ART5: variants seen among roughly 807,000 people sequenced by gnomAD.
ART5 encodes the protein ecto-ADP-ribosyltransferase 5.
Under a neutral mutation model 25.0 loss-of-function variants are expected in ART5, and 22 were observed. That is an observed-to-expected ratio of 0.88 (90% CI 0.63 to 1.26). The LOEUF (loss-of-function observed/expected upper bound fraction) is 1.26, where lower values mean the gene tolerates loss of function less well. ART5 is among the 50% of genes most tolerant of loss of function. The probability of loss-of-function intolerance (pLI) is 0.00; values close to 1 mark genes in which losing one functional copy is unlikely to be tolerated. For synonymous variants in ART5, 161 were observed against 154.8 expected, an observed-to-expected ratio of 1.04 and a Z score of -0.30; for missense variants, 402 against 372.8, an observed-to-expected ratio of 1.08 and a Z score of -0.64.
intron 2 of ART5, among the ~76,000 whole-genome samples, chr11:3,639,286 C>T (rs139384181): frequency 3.3e-5 from 5 of 152,266 alleles, no homozygotes; most frequent in South Asian, 2.1e-4. Flanking sequence ...ATGGCACATA[C>T]GTGCCCTGTC....
chr11:3,640,303 A>G lies in ART5; in HGVS notation c.126T>C (p.Cys42=). The change falls in exon 2 of 4, where the codon TGT becomes TGC. Residue 42 remains cysteine (C), a synonymous_variant. Transcript: ENST00000397068. ...PDTFDDTYVG[C]AEEMEEKAAP... Reference sequence around the variant, plus strand: ...CTGCCTTCTCCTCCATCTCCTCTGCACAACCCACATAGGTATCGTCAAAGG... The same window carrying G: ...CTGCCTTCTCCTCCATCTCCTCTGCGCAACCCACATAGGTATCGTCAAAGG... The G allele has an allele frequency of 6.2e-7, 1 of 1,613,240 alleles. No individual in the cohort carries two copies. The highest frequency in any genetic ancestry group is 8.5e-7 in the Non-Finnish European group (1 of 1,180,018).
At position 3,638,571 on chromosome 11, in the gene ART5, T is replaced by G. The variant is rs1223068345; in HGVS notation, c.*167A>C. 1.3e-6 allele frequency: 1 copy of G among 780,858 alleles called. No individual in the cohort carries two copies. The highest frequency in any genetic ancestry group is 2.5e-5 in the East Asian group (1 of 40,084). The allele number at this position is 780,858 out of a possible 1,614,324, so 48.4% of individuals were successfully genotyped here. A position where few individuals can be genotyped will look rare whatever the true frequency, so the allele number is the denominator to read the frequency against. The stretch of plus-strand genomic sequence containing the variant: ...CTCAATAAAACTCCATGTCTCCACA[T>G]TGCAACACCGTTCAATCAAGTGGCT... On this transcript the variant is annotated 3_prime_UTR_variant, in exon 4 of 4. Coordinates refer to ENST00000397068, the MANE Select transcript of ART5 (RefSeq NM_053017.5).
intron 1 of ART5, among the ~76,000 whole-genome samples, chr11:3,641,500 C>T (rs1332038849): frequency 6.6e-6 from 1 of 152,156 alleles, no homozygotes; most frequent in Admixed American, 6.5e-5. Context: ...GGACGGGCTG[C>T]CAGGACTGCA....
At chr11:3,639,301 C>T (rs995198027) in intron 2 of ART5, among the ~76,000 whole-genome samples, 8 of 152,194 alleles carry the variant, frequency 5.3e-5, no homozygotes, top group African/African-American at 1.9e-4. Context: ...CCTGTCAGCC[C>T]CATCGAGCCC....
chr11:3,641,756 T>A (rs1366169389), intron 1 of ART5, 50 bp downstream of exon 1: 1 of 1,554,784 alleles, frequency 6.4e-7, no homozygotes, highest in African/African-American at 1.4e-5. Flanking sequence ...TTCCTCAGGG[T>A]CTGTCCCTTA....
rs1443783793 is a variant in ART5 at position 3,639,788 on chromosome 11, G to C, written c.641C>G (p.Ser214Cys). 6.2e-7 allele frequency: 1 copy of C among 1,614,112 alleles called. No individual in the cohort carries two copies. The highest frequency in any genetic ancestry group is 2.2e-5 in the East Asian group (1 of 44,892). Residue 214 changes from serine (S) to cysteine (C), a missense_variant, in exon 2 of 4, where the codon TCT (serine) becomes TGT (cysteine). By Grantham distance (112) the Ser-to-Cys change is moderately radical. Transcript: ENST00000397068. ...CACCTCGCGCTCCTTGGGAAAGACAGAGAAGGCCTGTATAGGGGCCCCAAA... is the reference window on the plus strand; with the variant it reads ...CACCTCGCGCTCCTTGGGAAAGACACAGAAGGCCTGTATAGGGGCCCCAAA... ...TCFGAPIQAF[S>C]VFPKEREVLI...
chr11:3,640,077 C>A lies in ART5; in HGVS notation c.352G>T (p.Gly118Ter). The A allele has an allele frequency of 6.2e-7, 1 of 1,614,204 alleles. No homozygotes were observed. The highest frequency in any genetic ancestry group is 8.5e-7 in the Non-Finnish European group (1 of 1,180,058). Residue 118 changes from glycine (G) to a stop codon, truncating the protein, a stop_gained, in exon 2 of 4, where the codon GGA becomes TGA. Transcript: ENST00000397068. LOFTEE classifies it high-confidence loss of function. ...CTCATGTAGAGCTCCCGGGAGCCTC[C>A]GCCCGTCCGCACGGCCTGATTCAAC... ...WELNQAVRTG[G>*]GSRELYMRHF... is the part of the protein sequence containing the mutation.
intron 1 of ART5, 45 bp downstream of exon 1, chr11:3,641,761 C>T (rs1457028529): frequency 1.3e-6 from 2 of 1,556,976 alleles, no homozygotes; most frequent in African/African-American, 1.4e-5. Flanking sequence ...CAGGGTCTGT[C>T]CCTTAATGTC....
chr11:3,642,341 G>T, upstream of ART5: 1 of 990,364 alleles, frequency 1.0e-6, no homozygotes, highest in Non-Finnish European at 1.2e-6. Context: ...GCCGCACGCG[G>T]GGCCGGGAGC....
At chr11:3,641,699 G>A (rs141829693) in intron 1 of ART5, 107 bp downstream of exon 1, 1 of 1,516,924 alleles carries the variant, frequency 6.6e-7, no homozygotes, top group Non-Finnish European at 8.9e-7. Flanking sequence ...GGAATCCTAG[G>A]GAAGAGTCCC....
chr11:3,641,856 G>A lies in ART5; in HGVS notation c.7C>T (p.Leu3=), dbSNP rs769524455. ...CCGAGGGCGATCATCAAAGCCGCCA[G>A]CGCCATCCCTGGAGGAGACGTGAGG... MA[L]AALMIALGSL... is the part of the protein sequence containing the mutation. Residue 3 remains leucine, a synonymous_variant, in exon 1 of 4, where the codon CTG becomes TTG. Coordinates refer to ENST00000397068, the MANE Select transcript of ART5 (RefSeq NM_053017.5). The A allele has an allele frequency of 2.5e-6, 4 of 1,573,614 alleles. No individual in the cohort carries two copies. In the African/African-American group the frequency reaches 4.0e-5, roughly 16 times the overall value.
At position 3,639,826 on chromosome 11, in the gene ART5, A is replaced by G; in HGVS notation, c.603T>C (p.Ser201=). Residue 201 remains serine (S), a synonymous_variant, in exon 2 of 4, where the codon TCT becomes TCC. Coordinates refer to ENST00000397068, the MANE Select transcript of ART5 (RefSeq NM_053017.5). The part of the protein sequence containing the change: ...AHRFGNATLF[S]LTTCFGAPIQ... ...TAGGGGCCCCAAAGCAAGTTGTTAG[A>G]GAGAAGAGGGTGGCATTACCAAATC... The G allele has an allele frequency of 6.2e-7, 1 of 1,614,214 alleles. No individual in the cohort carries two copies. The highest frequency in any genetic ancestry group is 8.5e-7 in the Non-Finnish European group (1 of 1,180,032).
rs2077348150 is a variant in ART5 at position 3,638,756 on chromosome 11, C to T, written c.858G>A (p.Arg286=). The part of the protein sequence containing the change: ...LGTGDLHMTK[R]HLQQP ...TTGCTTCTCAAGGCTGCTGGAGGTG[C>T]CTCTTCGTCATATGAAGGTCACCCG... Residue 286 remains arginine, a synonymous_variant, in exon 4 of 4, where the codon AGG becomes AGA. Transcript: ENST00000397068. 1 of 1,613,990 alleles carries T rather than the reference C, an allele frequency of 6.2e-7. No homozygotes were observed. Among genetic ancestry groups the T allele is most frequent in the Non-Finnish European group, 8.5e-7 (1 of 1,180,020 alleles).
Position 3,641,919 on chromosome 11 carries a change from G to T in ART5, c.-57C>A. The T allele has an allele frequency of 6.5e-7, 1 of 1,544,782 alleles. No individual in the cohort carries two copies. Among genetic ancestry groups the T allele is most frequent in the East Asian group, 2.4e-5 (1 of 41,464 alleles). ...GGTGAGGGCGGGACCAGAGGTGCTGGAGTCCTGGTTTCGAGGGGCTGGAGG... is the reference window on the plus strand; with the variant it reads ...GGTGAGGGCGGGACCAGAGGTGCTGTAGTCCTGGTTTCGAGGGGCTGGAGG... On this transcript the variant is annotated 5_prime_UTR_variant, in exon 1 of 4. Transcript: ENST00000397068.
chr11:3,640,353 G>GAAT lies in ART5; in HGVS notation c.75_76insATT (p.Ile25dup). ...GTGTCTGGAGCCAGGCCCAGGGGCAGGATGGGAACAGCCTGGGCCTGTGGA... is the reference window on the plus strand; with the variant it reads ...GTGTCTGGAGCCAGGCCCAGGGGCAGAATGATGGGAACAGCCTGGGCCTGTGGA... On this transcript the variant is annotated inframe_insertion, in exon 2 of 4. Coordinates refer to ENST00000397068, the MANE Select transcript of ART5 (RefSeq NM_053017.5). 7.4e-7 allele frequency: 1 copy of GAAT among 1,345,468 alleles called. No individual in the cohort carries two copies. The highest frequency in any genetic ancestry group is 1.8e-4 in the Middle Eastern group (1 of 5,468). 83.3% of individuals were successfully genotyped at this position (1,345,468 alleles called of 1,614,324 possible).
intron 1 of ART5, among the ~76,000 whole-genome samples, chr11:3,640,677 C>G (rs1335700631): frequency 6.6e-6 from 1 of 151,500 alleles, no homozygotes; most frequent in Non-Finnish European, 1.5e-5. Flanking sequence ...TGGAGTGATT[C>G]TCCCACCTCA....
Position 3,639,632 on chromosome 11 carries a change from C to G in ART5, c.787+10G>C. 6.2e-7 allele frequency: 1 copy of G among 1,603,540 alleles called. No individual in the cohort carries two copies. Among genetic ancestry groups the G allele is most frequent in the Non-Finnish European group, 8.5e-7 (1 of 1,175,154 alleles). ...CACTGCCAGTCCTGCTTCCCCCATG[C>G]ACAGCTTACCACCCAGATAGGCGCA... is the stretch of plus-strand genomic sequence containing the variant. On this transcript the variant is annotated intron_variant, in intron 2 of 3. Coordinates refer to ENST00000397068, the MANE Select transcript of ART5 (RefSeq NM_053017.5).
At chr11:3,638,898 G>C in intron 3 of ART5, 105 bp from the exon 4 acceptor site, 1 of 1,607,926 alleles carries the variant, frequency 6.2e-7, no homozygotes, top group South Asian at 1.1e-5. Flanking sequence ...GGCCCCCTCA[G>C]ATTGTGACCC....
intron 1 of ART5, 130 bp from the exon 2 acceptor site, chr11:3,640,501 T>G: frequency 8.3e-7 from 1 of 1,209,214 alleles, no homozygotes. Flanking sequence ...ATATGCAATT[T>G]GGCAAGGGCC....
Sources: gnomAD v4.1 joint callset for allele counts (sites outside exome capture counted in the v4.1 genomes callset) on GRCh38, gnomAD v4.1.1 for gene constraint, MANE v1.5 for transcripts, NCBI Gene and HGNC (gene_info 2026-07-23, HGNC 2026-07-21) for gene names.